Variants in SIPA1L2 observed in about 807,000 individuals in gnomAD.
The protein encoded by SIPA1L2 is signal induced proliferation associated 1 like 2.
A neutral mutation model predicts 163.9 loss-of-function variants in SIPA1L2; 56 were observed. The observed-to-expected ratio is 0.34, with a 90% confidence interval of 0.28 to 0.43. SIPA1L2 has a LOEUF of 0.43. Ranked by LOEUF, SIPA1L2 falls within the 20% of genes least tolerant of loss-of-function variation. The pLI is 1.00. For synonymous variants in SIPA1L2, 877 were observed against 865.7 expected (o/e 1.01, Z -0.23); for missense variants, 1,974 against 2,193.5 (o/e 0.90, Z 2.00).
chr1:232,493,773 C>A (rs1032714360), intron 3 of SIPA1L2, 113 bp from the exon 4 acceptor site: 2 of 1,320,898 alleles, frequency 1.5e-6, no homozygotes, highest in Non-Finnish European at 2.1e-6. Flanking sequence ...ATAGCTCATA[C>A]ACAGTGATTT....
At chr1:232,419,932 A>G (rs1661469776) in intron 18 of SIPA1L2, among the ~76,000 whole-genome samples, 2 of 152,210 alleles carry the variant, frequency 1.3e-5, no homozygotes, top group African/African-American at 4.8e-5. Context: ...TAGGGAGAGA[A>G]TAACTAGTAA....
chr1:232,622,112 G>C (rs1189203352), intron 1 of SIPA1L2, among the ~76,000 whole-genome samples: 1 of 152,210 alleles, frequency 6.6e-6, no homozygotes, highest in African/African-American at 2.4e-5. Flanking sequence ...TTGATAAATT[G>C]GATGCTTCTA....
intron 19 of SIPA1L2, among the ~76,000 whole-genome samples, chr1:232,410,911 A>T (rs1234489570): frequency 6.6e-6 from 1 of 152,178 alleles, no homozygotes; most frequent in Non-Finnish European, 1.5e-5. Flanking sequence ...GTGGTATACC[A>T]GTATTTTGTG....
intron 22 of SIPA1L2, among the ~76,000 whole-genome samples, chr1:232,400,772 C>T (rs1049593337): frequency 2.0e-5 from 3 of 152,148 alleles, no homozygotes; most frequent in South Asian, 2.1e-4. Flanking sequence ...GCCTCTCCAT[C>T]GCTTTCTCTC....
Position 232,514,637 on chromosome 1 carries a change from G to A in SIPA1L2, c.703C>T (p.Arg235Cys), listed in dbSNP as rs775130845. 15 of 1,614,042 alleles carry A rather than the reference G, an allele frequency of 9.3e-6. No homozygotes were observed. Among genetic ancestry groups the A allele is most frequent in the Middle Eastern group, 3.3e-4 (2 of 6,084 alleles). The change falls in exon 3 of 23, where the codon CGC becomes TGC. Residue 235 changes from arginine to cysteine, a missense_variant. Transcript: ENST00000674635. Reference protein sequence around the residue: ...MVPFGFPEFFRCDPAISPSLH... With the variant: ...MVPFGFPEFFCCDPAISPSLH... ...CTCGGAGAGATTGCAGGGTCACAGC[G>A]GAAAAATTCAGGGAACCCAAAAGGG...
intron 18 of SIPA1L2, among the ~76,000 whole-genome samples, chr1:232,420,327 A>G (rs1441848283): frequency 3.3e-5 from 5 of 149,900 alleles, no homozygotes; most frequent in Admixed American, 6.6e-5. Flanking sequence ...CCGTCTCCAA[A>G]CAACAACAAA....
chr1:232,431,232 T>A (rs1406343463), intron 16 of SIPA1L2, among the ~76,000 whole-genome samples: 1 of 152,210 alleles, frequency 6.6e-6, no homozygotes, highest in Non-Finnish European at 1.5e-5. Flanking sequence ...TACCAATGTA[T>A]CATTCTACCA....
At chr1:232,440,904 C>T (rs762320528) in intron 14 of SIPA1L2, among the ~76,000 whole-genome samples, 7 of 152,198 alleles carry the variant, frequency 4.6e-5, no homozygotes, top group African/African-American at 1.2e-4. Flanking sequence ...ATTAAATCAT[C>T]GATGACTGTA....
chr1:232,561,449 C>A (rs1399588412), intron 2 of SIPA1L2: 1 of 152,168 alleles, frequency 6.6e-6, no homozygotes, highest in Non-Finnish European at 1.5e-5. Context: ...AAACTACAAA[C>A]TGGATCCCAT....
At chr1:232,413,797 A>G (rs961252843) in intron 19 of SIPA1L2, among the ~76,000 whole-genome samples, 8 of 152,254 alleles carry the variant, frequency 5.3e-5, no homozygotes, top group Non-Finnish European at 1.2e-4. Flanking sequence ...CTCTGCAGAT[A>G]GTTACACAGT....
chr1:232,551,457 A>C (rs1658375229), intron 2 of SIPA1L2, among the ~76,000 whole-genome samples: 1 of 152,266 alleles, frequency 6.6e-6, no homozygotes, highest in Non-Finnish European at 1.5e-5. Context: ...CTAGTTTAAC[A>C]ACAAGCTAAC....
Position 232,514,982 on chromosome 1 carries a change from C to T in SIPA1L2, c.358G>A (p.Asp120Asn), listed in dbSNP as rs375541776. ...TCATCTTGCTGACCTTCACTCTGGT[C>T]ACTCTGCCCATTCTGCAGGACAGAA... ...ITSVLQNGQS[D>N]QSEGQQDEQL... Residue 120 changes from aspartate (D) to asparagine (N), a missense_variant, in exon 3 of 23, where the codon GAC becomes AAC. Around this residue, in one of 3 missense-constraint regions of SIPA1L2, gnomAD observed 607 missense variants for 624.0 expected, o/e 0.97. Coordinates refer to ENST00000674635, the MANE Select transcript of SIPA1L2 (RefSeq NM_020808.5). The T allele has an allele frequency of 8.9e-5, 143 of 1,614,048 alleles. No individual in the cohort carries two copies. The highest frequency in any genetic ancestry group is 1.1e-4 in the Non-Finnish European group (124 of 1,180,032).
intron 3 of SIPA1L2, among the ~76,000 whole-genome samples, chr1:232,506,552 G>C (rs140522814): frequency 6.6e-6 from 1 of 152,270 alleles, no homozygotes; most frequent in Non-Finnish European, 1.5e-5. Flanking sequence ...GCCAAAAAAC[G>C]GTTAAATTGG....
At chr1:232,432,077 A>G (rs1662276163) in intron 16 of SIPA1L2, among the ~76,000 whole-genome samples, 170 bp downstream of exon 16, 1 of 152,242 alleles carries the variant, frequency 6.6e-6, no homozygotes. Context: ...AAAAATCAAG[A>G]GAATAATTTT....
intron 10 of SIPA1L2, among the ~76,000 whole-genome samples, chr1:232,457,677 T>C (rs1664002695): frequency 6.6e-6 from 1 of 152,244 alleles, no homozygotes; most frequent in South Asian, 2.1e-4. Context: ...TTAAAGGGTT[T>C]GTATTTTAAA....
intron 12 of SIPA1L2, among the ~76,000 whole-genome samples, chr1:232,443,124 G>A (rs2102866599): frequency 6.6e-6 from 1 of 152,330 alleles, no homozygotes; most frequent in South Asian, 2.1e-4. Context: ...TCAACTCAGT[G>A]TCTTTGTTCA....
At chr1:232,406,527 A>G (rs1441722581) in intron 19 of SIPA1L2, among the ~76,000 whole-genome samples, 1 of 152,272 alleles carries the variant, frequency 6.6e-6, no homozygotes, top group Non-Finnish European at 1.5e-5. Context: ...GGCAAAACAG[A>G]TGACTGCAAG....
chr1:232,586,838 C>T (rs1660681022), intron 1 of SIPA1L2, among the ~76,000 whole-genome samples: 1 of 152,246 alleles, frequency 6.6e-6, no homozygotes, highest in African/African-American at 2.4e-5. Context: ...CAATGTGATG[C>T]TGTCCCTTCA....
Position 232,622,614 on chromosome 1 carries a change from C to T in SIPA1L2, c.-319+7255G>A, listed in dbSNP as rs1043107022. On this transcript the variant is annotated intron_variant, in intron 1 of 22. Transcript: ENST00000674635. The stretch of plus-strand genomic sequence containing the variant: ...GTGAATCATACTCTCTCATGAAAGG[C>T]GGCCACCTAAGGGTGCCCAGGCTCC... Among the ~76,000 whole-genome samples the T allele has an allele frequency of 5.9e-5, 9 of 152,168 alleles. No individual in the cohort carries two copies. In the East Asian group the frequency reaches 7.7e-4, roughly 13 times the overall value.
Sources: gnomAD v4.1 joint callset for allele counts (sites outside exome capture counted in the v4.1 genomes callset) on GRCh38, gnomAD v4.1.1 for gene constraint, gnomAD v4.1.1 regional missense constraint, MANE v1.5 for transcripts, NCBI Gene and HGNC (gene_info 2026-07-23, HGNC 2026-07-21) for gene names.